Variants in SIRT5 observed in about 807,000 individuals in gnomAD.
SIRT5 encodes the protein sirtuin 5.
In SIRT5, 26 loss-of-function variants were observed where a neutral mutation model predicts 40.0. The ratio of observed to expected loss-of-function variants is 0.65; its 90% confidence interval spans 0.48 to 0.90. The LOEUF (loss-of-function observed/expected upper bound fraction) is 0.90. Among genes scored for constraint, SIRT5 ranks in the 40% least tolerant of loss-of-function variants. SIRT5 has a pLI of 0.00. For missense variants in SIRT5, 401 were observed against 402.4 expected (o/e 1.00, Z 0.03); for synonymous variants, 146 against 149.1 (o/e 0.98, Z 0.15).
In SIRT5 at chr6:13,595,464, A is replaced by G. The variant is rs1418488291; in HGVS notation, c.476-13A>G. On this transcript the variant is annotated splice_polypyrimidine_tract_variant and intron_variant, in intron 5 of 9. Transcript: ENST00000606117. ...ATACTAAATTCTGGATTTGCTTCAT[A>G]TGTATTTTTCAGGTAGCTTATTTAA... The G allele has an allele frequency of 2.5e-6, 4 of 1,602,712 alleles. No homozygotes were observed. The highest frequency in any genetic ancestry group is 2.2e-5 in the South Asian group (2 of 90,822).
rs1763299013 is a variant in SIRT5 at position 13,607,692 on chromosome 6, G to GT, written c.858-4092dup. 6.6e-6 allele frequency among the ~76,000 whole-genome samples: 1 copy of GT among 152,112 alleles called. No homozygotes were observed. Among genetic ancestry groups the GT allele is most frequent in the African/African-American group, 2.4e-5 (1 of 41,424 alleles). On this transcript the variant is annotated intron_variant, in intron 9 of 9. Transcript: ENST00000606117. The surrounding 1 kb of genome is among the most constrained non-coding windows in gnomAD (Gnocchi z 4.0). ...CCCATTTTAAAAGTTGACATCTAAG[G>GT]TTTTTTAAATCAAATATAGTTGGAG...
At chr6:13,603,276 CAAAAAAAAAAAAA>C (rs36093293) in intron 9 of SIRT5, among the ~76,000 whole-genome samples, 1 of 49,292 alleles carries the variant, frequency 2.0e-5, no homozygotes, top group Non-Finnish European at 4.5e-5. Context: ...GACTCCGTCT[CAAAAAAAAAAAAA>C]AAAAAAAGAC....
At chr6:13,601,891 CCCT>C (rs1301830232) in intron 9 of SIRT5, among the ~76,000 whole-genome samples, 1 of 151,908 alleles carries the variant, frequency 6.6e-6, no homozygotes, top group Admixed American at 6.6e-5. Context: ...TTCAGTAGGC[CCCT>C]CCTCAAGTGA....
At chr6:13,595,266 C>T (rs894123561) in intron 5 of SIRT5, among the ~76,000 whole-genome samples, 17 of 152,148 alleles carry the variant, frequency 1.1e-4, no homozygotes, top group Non-Finnish European at 1.5e-5. Context: ...CCCAGCTGCT[C>T]AGGAGGCAAA....
intron 9 of SIRT5, chr6:13,604,548 A>G (rs753712643): frequency 1.3e-6 from 2 of 1,580,652 alleles, no homozygotes; most frequent in Admixed American, 4.0e-5. Context: ...AAAGCAAGAA[A>G]ATGCAGATAG....
chr6:13,578,818 A>T (rs1011834539), intron 1 of SIRT5, among the ~76,000 whole-genome samples: 8 of 151,736 alleles, frequency 5.3e-5, no homozygotes, highest in Non-Finnish European at 1.2e-4. Flanking sequence ...ACAGGCTTTT[A>T]AAAAAAATCT....
At chr6:13,585,284 G>A (rs912261841) in intron 3 of SIRT5, among the ~76,000 whole-genome samples, 2 of 151,824 alleles carry the variant, frequency 1.3e-5, no homozygotes, top group Non-Finnish European at 2.9e-5. Flanking sequence ...GGGTACATGT[G>A]CACAACGTGC....
Position 13,606,499 on chromosome 6 carries a change from G to A in SIRT5, c.858-5291G>A, listed in dbSNP as rs555372975. Among the ~76,000 whole-genome samples the A allele has an allele frequency of 2.1e-4, 32 of 152,262 alleles. No individual in the cohort carries two copies. In the South Asian group the frequency reaches 3.3e-3, roughly 16 times the overall value. ...ACCGTGTGTGTTAGGGAAGTCCAGC[G>A]CTCTCCCTGGCTGTGCTGTCAAGGG... On this transcript the variant is annotated intron_variant, in intron 9 of 9. Transcript: ENST00000606117.
rs1282162142 is a variant in SIRT5 at position 13,599,155 on chromosome 6, G to T, written c.741G>T (p.Val247=). 4 of 1,613,438 alleles carry T rather than the reference G, an allele frequency of 2.5e-6. No individual in the cohort carries two copies. The highest frequency in any genetic ancestry group is 3.4e-6 in the Non-Finnish European group (4 of 1,179,730). The change falls in exon 8 of 10, where the codon GTG becomes GTT. Residue 247 remains valine, a splice_region_variant and synonymous_variant. Transcript: ENST00000606117. ...RELAHCDLCL[V]VGTSSVVYPA... Reference sequence around the variant, plus strand: ...TCGCCCACTGTGATTTATGTCTAGTGGTGGGTCATGCCCTTCCCTAACCCC... The same window carrying T: ...TCGCCCACTGTGATTTATGTCTAGTTGTGGGTCATGCCCTTCCCTAACCCC...
At chr6:13,604,573 A>C in intron 9 of SIRT5, 1 of 1,579,324 alleles carries the variant, frequency 6.3e-7, no homozygotes, top group Non-Finnish European at 8.6e-7. Flanking sequence ...AAAGAAGAAA[A>C]TAAAACTGGA....
In SIRT5 at chr6:13,588,431, A is replaced by T. The variant is rs1163550279; in HGVS notation, c.216A>T (p.Gly72=). Residue 72 remains glycine (G), a synonymous_variant, in exon 4 of 10, where the codon GGA becomes GGT. Coordinates refer to ENST00000606117, the MANE Select transcript of SIRT5 (RefSeq NM_012241.5). ...SAESGVPTFR[G]AGGYWRKWQA... is the part of the protein sequence containing the mutation. ...AAAGTGGTGTTCCGACCTTCAGAGG[A>T]GCTGGAGGTTATTGGAGAAAATGGC... is the stretch of plus-strand genomic sequence containing the variant. 1 of 1,614,184 alleles carries T rather than the reference A, an allele frequency of 6.2e-7. No individual in the cohort carries two copies. The highest frequency in any genetic ancestry group is 1.7e-5 in the Admixed American group (1 of 60,024).
At chr6:13,603,331 T>C (rs1762664602) in intron 9 of SIRT5, among the ~76,000 whole-genome samples, 1 of 150,670 alleles carries the variant, frequency 6.6e-6, no homozygotes, top group African/African-American at 2.4e-5. Context: ...TATTTGTAAG[T>C]CTAATATTTG....
At chr6:13,583,846 C>G (rs1051533821) in intron 2 of SIRT5, among the ~76,000 whole-genome samples, 5 of 152,164 alleles carry the variant, frequency 3.3e-5, no homozygotes, top group Non-Finnish European at 7.3e-5. Context: ...CAAGGCACCT[C>G]TGCACCTCTA....
At chr6:13,575,586 G>C (rs1479295104) in intron 1 of SIRT5, among the ~76,000 whole-genome samples, 1 of 151,846 alleles carries the variant, frequency 6.6e-6, no homozygotes, top group Non-Finnish European at 1.5e-5. Context: ...ATAGCGTACA[G>C]TGTAATGTTT....
intron 2 of SIRT5, among the ~76,000 whole-genome samples, chr6:13,582,315 C>A (rs1464192371): frequency 2.0e-5 from 3 of 151,982 alleles, no homozygotes; most frequent in Non-Finnish European, 4.4e-5. Context: ...AAGGTATATT[C>A]TTTTATCCCC....
At position 13,577,991 on chromosome 6, in the gene SIRT5, CTTATTGAGAGTTTTTA is replaced by C. The variant is rs1758842281; in HGVS notation, c.-194-1455_-194-1440del. ...CTTTCTGTGTCACAGTACTTCTATA[CTTATTGAGAGTTTTTA>C]TTATGAAAAGATGTTGAATTTTGTC... is the stretch of plus-strand genomic sequence containing the variant. On this transcript the variant is annotated intron_variant, in intron 1 of 9. Transcript: ENST00000606117. Among the ~76,000 whole-genome samples, 3 of 152,076 alleles carry C rather than the reference CTTATTGAGAGTTTTTA, an allele frequency of 2.0e-5. No individual in the cohort carries two copies. The South Asian group carries it at 6.2e-4, about 31-fold the overall frequency.
intron 1 of SIRT5, among the ~76,000 whole-genome samples, chr6:13,577,054 C>T (rs1288604290): frequency 1.3e-5 from 2 of 152,152 alleles, no homozygotes; most frequent in Admixed American, 6.5e-5. Flanking sequence ...ATTACAATGG[C>T]CCTATAATAT....
intron 4 of SIRT5, chr6:13,589,606 CCTT>C (rs1760554462): frequency 6.6e-6 from 1 of 152,274 alleles, no homozygotes; most frequent in African/African-American, 2.4e-5. Flanking sequence ...GCTGCCCCTT[CCTT>C]CTTCTGAACA....
At chr6:13,600,549 C>T (rs1762239622) in intron 8 of SIRT5, among the ~76,000 whole-genome samples, 1 of 152,098 alleles carries the variant, frequency 6.6e-6, no homozygotes, top group Non-Finnish European at 1.5e-5. Flanking sequence ...AAAGCAGAAA[C>T]AAAACCAGAA....
Sources: allele counts gnomAD v4.1 joint callset (sites outside exome capture counted in the v4.1 genomes callset), GRCh38; gene constraint gnomAD v4.1.1; non-coding constraint Gnocchi (gnomAD v3.1); transcripts MANE v1.5; gene names NCBI Gene and HGNC (gene_info 2026-07-23, HGNC 2026-07-21).